Variants in ARHGEF3 observed in about 807,000 individuals in gnomAD.
ARHGEF3 encodes the protein Rho guanine nucleotide exchange factor 3, also known as 59.8 kDA protein.
In ARHGEF3, 28 loss-of-function variants were observed where a neutral mutation model predicts 63.2. The observed-to-expected ratio is 0.44, with a 90% confidence interval of 0.33 to 0.61. ARHGEF3 has a LOEUF of 0.61. ARHGEF3 is among the 20% of genes least tolerant of loss of function. The probability of loss-of-function intolerance (pLI) is 0.03; values close to 1 mark genes in which losing one functional copy is unlikely to be tolerated. For missense variants in ARHGEF3, 533 were observed against 659.3 expected, an observed-to-expected ratio of 0.81 and a Z score of 2.10; for synonymous variants, 266 against 254.2, an observed-to-expected ratio of 1.05 and a Z score of -0.44.
chr3:56,856,497 A>G (rs890529043), intron 4 of ARHGEF3, among the ~76,000 whole-genome samples: 2 of 152,110 alleles, frequency 1.3e-5, no homozygotes, highest in African/African-American at 4.8e-5. Context: ...TCATGAATAC[A>G]GATCCTCTTT....
At chr3:56,982,006 T>C (rs959731993) in intron 2 of ARHGEF3, among the ~76,000 whole-genome samples, 3 of 152,194 alleles carry the variant, frequency 2.0e-5, no homozygotes, top group African/African-American at 7.2e-5. Context: ...CCCAAGACTT[T>C]GGCTGGCATT....
At chr3:56,882,472 C>T (rs1578752389) in intron 3 of ARHGEF3, 1 of 794,506 alleles carries the variant, frequency 1.3e-6, no homozygotes, top group Non-Finnish European at 2.1e-6. Flanking sequence ...ACCATGGTAC[C>T]CAAAACCTTT....
chr3:56,993,989 G>C (rs532630967), intron 2 of ARHGEF3, among the ~76,000 whole-genome samples: 1 of 145,588 alleles, frequency 6.9e-6, no homozygotes. Context: ...GCTTGAACCC[G>C]GGAGGCGGAA....
chr3:56,907,260 C>A lies in ARHGEF3; in HGVS notation c.130-24906G>T, dbSNP rs557765026. The stretch of plus-strand genomic sequence containing the variant: ...TCTCTTAAAGTGCTGAGATTACAGG[C>A]ATGAGCCACGGCGCCTGGCCAACAT... On this transcript the variant is annotated intron_variant, in intron 3 of 12. Transcript: ENST00000338458. 3.3e-5 allele frequency among the ~76,000 whole-genome samples: 5 copies of A among 152,302 alleles called. No homozygotes were observed. In the East Asian group the frequency reaches 9.6e-4, roughly 29 times the overall value.
At chr3:56,837,568 A>G (rs1401027272) in intron 4 of ARHGEF3, among the ~76,000 whole-genome samples, 1 of 152,232 alleles carries the variant, frequency 6.6e-6, no homozygotes, top group Admixed American at 6.5e-5. Context: ...AGACCATTTC[A>G]TGAAGCAACT....
intron 3 of ARHGEF3, among the ~76,000 whole-genome samples, chr3:56,940,380 G>A (rs889239851): frequency 3.9e-5 from 6 of 152,088 alleles, no homozygotes; most frequent in Admixed American, 2.0e-4. Flanking sequence ...TAATCAAAAC[G>A]ATAACTATAT....
chr3:56,911,976 T>C (rs2041864311), intron 3 of ARHGEF3, among the ~76,000 whole-genome samples: 1 of 151,306 alleles, frequency 6.6e-6, no homozygotes, highest in African/African-American at 2.4e-5. Context: ...CACATATATA[T>C]ATACACACAT....
rs1229040317 is a variant in ARHGEF3, at chr3:56,728,620, T to A, written c.*650A>T. The A allele has an allele frequency of 6.6e-6, 1 of 152,602 alleles. No individual in the cohort carries two copies. The highest frequency in any genetic ancestry group is 1.5e-5 in the Non-Finnish European group (1 of 68,058). 9.5% of individuals were successfully genotyped at this position (152,602 alleles called of 1,614,324 possible). ...CGCTTCTGTCCTGGCCCTTTTAAGG[T>A]CAGCCTCTATTTTATGTCCTAATAC... On this transcript the variant is annotated 3_prime_UTR_variant, in exon 10 of 10. Transcript: ENST00000296315.
chr3:56,746,321 C>G (rs2034381009), intron 6 of ARHGEF3, among the ~76,000 whole-genome samples: 1 of 152,212 alleles, frequency 6.6e-6, no homozygotes, highest in African/African-American at 2.4e-5. Context: ...ATCCTCACTA[C>G]TTTGCATTGG....
chr3:56,969,545 G>C (rs1039788378), intron 2 of ARHGEF3, among the ~76,000 whole-genome samples: 11 of 151,944 alleles, frequency 7.2e-5, no homozygotes, highest in Non-Finnish European at 1.6e-4. Flanking sequence ...GGTCGAAGTG[G>C]GCAGACCACA....
intron 1 of ARHGEF3, among the ~76,000 whole-genome samples, chr3:57,042,266 T>TG (rs138153424): frequency 0.079 from 12,080 of 152,004 alleles, 652 homozygotes; most frequent in East Asian, 0.19. Context: ...GACTGATTGG[T>TG]GTAGAATATG....
At chr3:56,936,895 T>C (rs769187307) in intron 3 of ARHGEF3, among the ~76,000 whole-genome samples, 13 of 152,130 alleles carry the variant, frequency 8.5e-5, no homozygotes, top group Non-Finnish European at 1.6e-4. Context: ...AATTTTTGTA[T>C]TTTTTGTACA....
At chr3:56,795,261 G>T (rs937078758) in intron 1 of ARHGEF3, among the ~76,000 whole-genome samples, 3 of 152,142 alleles carry the variant, frequency 2.0e-5, no homozygotes, top group African/African-American at 7.2e-5. Flanking sequence ...GAATGGATCT[G>T]GCAGCAGATA....
At chr3:56,943,918 A>T (rs1699321795) in intron 3 of ARHGEF3, among the ~76,000 whole-genome samples, 1 of 150,968 alleles carries the variant, frequency 6.6e-6, no homozygotes, top group Admixed American at 6.6e-5. Flanking sequence ...CGACTCAAAA[A>T]AAAAAAAAAC....
At chr3:56,931,952 G>T (rs996022318) in intron 3 of ARHGEF3, among the ~76,000 whole-genome samples, 9 of 152,202 alleles carry the variant, frequency 5.9e-5, no homozygotes, top group East Asian at 1.9e-4. Context: ...GATTTATGGG[G>T]TTTTTTTGTT....
chr3:56,810,712 T>C (rs2038032314), intron 4 of ARHGEF3, among the ~76,000 whole-genome samples: 1 of 152,156 alleles, frequency 6.6e-6, no homozygotes, highest in Non-Finnish European at 1.5e-5. Context: ...AGAAATGACT[T>C]CTGAGGAGTC....
intron 2 of ARHGEF3, among the ~76,000 whole-genome samples, chr3:56,983,458 T>C (rs1701408244): frequency 1.3e-5 from 2 of 152,174 alleles, no homozygotes; most frequent in African/African-American, 4.8e-5. Flanking sequence ...CTGGTGTATA[T>C]CCTTTCAGAC....
chr3:56,853,010 A>G lies in ARHGEF3; in HGVS notation c.192+29282T>C, dbSNP rs570309550. Among the ~76,000 whole-genome samples the G allele has an allele frequency of 5.3e-4, 81 of 152,348 alleles. 1 individual carries two copies. Among genetic ancestry groups the G allele is most frequent in the African/African-American group, 1.9e-3 (77 of 41,584 alleles). ...GAATCTCTAGTTGAAATTCAGGGGC[A>G]TTTGTGTTCAAGAAAACAAGACCTC... is the stretch of plus-strand genomic sequence containing the variant. On this transcript the variant is annotated intron_variant, in intron 4 of 12. Transcript: ENST00000338458.
intron 2 of ARHGEF3, among the ~76,000 whole-genome samples, chr3:57,033,291 G>GA (rs1383021707): frequency 6.6e-6 from 1 of 151,672 alleles, no homozygotes; most frequent in Non-Finnish European, 1.5e-5. Context: ...GAACATACCA[G>GA]AAAGCACATC....
Sources: gnomAD v4.1 joint callset for allele counts (sites outside exome capture counted in the v4.1 genomes callset) on GRCh38, gnomAD v4.1.1 for gene constraint, MANE v1.5 for transcripts, NCBI Gene and HGNC (gene_info 2026-07-23, HGNC 2026-07-21) for gene names.